CDC123: variants seen among roughly 807,000 people sequenced by gnomAD.
CDC123 encodes the protein cell division cycle 123, also known as translation initiation factor eIF2 assembly protein.
CDC123 carries 37 observed loss-of-function variants against 54.4 expected under a neutral mutation model. The ratio of observed to expected loss-of-function variants is 0.68; its 90% CI spans 0.52 to 0.89. The LOEUF (loss-of-function observed/expected upper bound fraction) is 0.89. CDC123 is among the 40% of genes least tolerant of loss of function. CDC123 has a pLI of 0.00. For synonymous variants in CDC123, 144 were observed against 136.8 expected, an observed-to-expected ratio of 1.05 and a Z score of -0.37; for missense variants, 361 against 412.1, an observed-to-expected ratio of 0.88 and a Z score of 1.07.
intron 10 of CDC123, among the ~76,000 whole-genome samples, chr10:12,242,528 G>A (rs779880063): frequency 1.3e-5 from 2 of 152,178 alleles, no homozygotes; most frequent in Non-Finnish European, 2.9e-5. Flanking sequence ...CCTAGAGCTT[G>A]ATCGGGGCAG....
intron 7 of CDC123, among the ~76,000 whole-genome samples, chr10:12,234,486 T>TG (rs1463914182): frequency 6.6e-6 from 1 of 152,244 alleles, no homozygotes; most frequent in Non-Finnish European, 1.5e-5. Context: ...CCGAAAGTGC[T>TG]GGGGTTATAG....
At chr10:12,242,015 A>G (rs980173737) in intron 10 of CDC123, among the ~76,000 whole-genome samples, 22 of 152,120 alleles carry the variant, frequency 1.4e-4, no homozygotes, top group Non-Finnish European at 2.8e-4. Context: ...CATAATCTCA[A>G]TTACACTTTT....
At position 12,215,786 on chromosome 10, in the gene CDC123, A is replaced by G. The variant is rs376245493; in HGVS notation, c.284A>G (p.Asn95Ser). The stretch of plus-strand genomic sequence containing the variant: ...GCCACTAAAGTCCAGGAAGCTATCA[A>G]TTCCCTCGGGGGCAGTGTCTTTCCT... ...EFATKVQEAINSLGGSVFPKL... is the reference protein window; with the variant it reads ...EFATKVQEAISSLGGSVFPKL... The change falls in exon 5 of 13, where the codon AAT (asparagine) becomes AGT (serine). Residue 95 changes from asparagine to serine, a missense_variant. By Grantham distance (46) the Asn-to-Ser change is conservative. Transcript: ENST00000281141. 95 of 1,612,950 alleles carry G rather than the reference A, an allele frequency of 5.9e-5. No individual in the cohort carries two copies. The highest frequency in any genetic ancestry group is 1.6e-4 in the Middle Eastern group (1 of 6,062).
At position 12,250,319 on chromosome 10, in the gene CDC123, T is replaced by G. The variant is rs766703762; in HGVS notation, c.993T>G (p.Asn331Lys). 2.5e-6 allele frequency: 4 copies of G among 1,590,824 alleles called. No individual in the cohort carries two copies. In the South Asian group the frequency reaches 4.5e-5, roughly 18 times the overall value. Residue 331 changes from asparagine to lysine, a missense_variant, in exon 13 of 13, where the codon AAT becomes AAG. Asn to Lys is a moderately conservative substitution (Grantham distance 94). Transcript: ENST00000281141. ...KLIDFLKLKR[N>K]QQEDD Reference sequence around the variant, plus strand: ...TTGGTTTTCTTTGACAGAAGAGAAATCAGCAGGAGGACGACTGATGAGCGT... The same window carrying G: ...TTGGTTTTCTTTGACAGAAGAGAAAGCAGCAGGAGGACGACTGATGAGCGT...
At chr10:12,229,419 A>G (rs987243175) in intron 6 of CDC123, among the ~76,000 whole-genome samples, 1 of 152,184 alleles carries the variant, frequency 6.6e-6, no homozygotes, top group Non-Finnish European at 1.5e-5. Context: ...CATCTGTCGC[A>G]GTTCCCCCTT....
At chr10:12,196,506 G>A (rs1835349685) in intron 1 of CDC123, among the ~76,000 whole-genome samples, 187 bp downstream of exon 1, 1 of 152,200 alleles carries the variant, frequency 6.6e-6, no homozygotes, top group Admixed American at 6.5e-5. Context: ...GGCTAGGAGG[G>A]TCAGTTGTGG....
rs551704319 is a variant in CDC123, at chr10:12,213,373, C to T, written c.238-2367C>T. Among the ~76,000 whole-genome samples the T allele has an allele frequency of 3.9e-5, 6 of 152,228 alleles. No individual in the cohort carries two copies. The East Asian group carries it at 9.7e-4, about 25-fold the overall frequency. On this transcript the variant is annotated intron_variant, in intron 4 of 12. Transcript: ENST00000281141. ...CCTGAGTCTGCTTGGGAGGAGACAT[C>T]CAACAGACTCAACTTTTAGAAATTG... is the stretch of plus-strand genomic sequence containing the variant.
intron 6 of CDC123, among the ~76,000 whole-genome samples, chr10:12,221,433 G>C (rs940800460): frequency 6.6e-6 from 1 of 152,204 alleles, no homozygotes; most frequent in Admixed American, 6.5e-5. Context: ...AGGAGGGATA[G>C]GTTGTTTCCT....
chr10:12,249,221 C>T (rs1469137964), intron 11 of CDC123, among the ~76,000 whole-genome samples: 5 of 151,242 alleles, frequency 3.3e-5, no homozygotes, highest in Non-Finnish European at 5.9e-5. Context: ...AGGATTGCTT[C>T]AGCTCAGGAG....
intron 4 of CDC123, among the ~76,000 whole-genome samples, chr10:12,214,975 A>C (rs910474292): frequency 6.6e-5 from 10 of 151,848 alleles, no homozygotes; most frequent in Admixed American, 2.0e-4. Context: ...TCTCTTACTT[A>C]CCTTTTTTTC....
intron 4 of CDC123, among the ~76,000 whole-genome samples, chr10:12,211,458 A>T (rs2131737479): frequency 6.6e-6 from 1 of 152,348 alleles, no homozygotes; most frequent in Non-Finnish European, 1.5e-5. Context: ...TAAAAAGGGA[A>T]GCCTGCCAGC....
chr10:12,233,761 A>G (rs955599192), intron 7 of CDC123, among the ~76,000 whole-genome samples: 2 of 152,068 alleles, frequency 1.3e-5, no homozygotes, highest in Non-Finnish European at 2.9e-5. Flanking sequence ...AAATGAAATC[A>G]GTGCATTTAA....
intron 6 of CDC123, among the ~76,000 whole-genome samples, chr10:12,229,859 A>G (rs569290197): frequency 6.6e-6 from 1 of 152,288 alleles, no homozygotes; most frequent in South Asian, 2.1e-4. Context: ...CACGTGGGAG[A>G]AGGATTCAGT....
At chr10:12,236,334 C>T (rs1376361118) in intron 8 of CDC123, among the ~76,000 whole-genome samples, 1 of 152,146 alleles carries the variant, frequency 6.6e-6, no homozygotes, top group Non-Finnish European at 1.5e-5. Context: ...TGCTGTGGCT[C>T]ACACCTGTAA....
intron 6 of CDC123, among the ~76,000 whole-genome samples, chr10:12,218,002 T>C (rs4750188): frequency 0.99 from 151,075 of 152,094 alleles, 75,043 homozygotes; most frequent in Middle Eastern, 1. Context: ...GGCAGGAGAA[T>C]GGCTTGAACC....
At chr10:12,242,297 C>G (rs952644349) in intron 10 of CDC123, among the ~76,000 whole-genome samples, 1 of 152,168 alleles carries the variant, frequency 6.6e-6, no homozygotes, top group Non-Finnish European at 1.5e-5. Context: ...CCAGCCTTCC[C>G]TCGCACATGT....
At chr10:12,247,986 A>G (rs1836181409) in intron 11 of CDC123, 1 of 151,814 alleles carries the variant, frequency 6.6e-6, no homozygotes, top group Admixed American at 6.6e-5. Flanking sequence ...CCTGGGCGAC[A>G]GGGCAAGACT....
intron 2 of CDC123, among the ~76,000 whole-genome samples, chr10:12,204,749 T>TAAG: frequency 6.6e-6 from 1 of 152,284 alleles, no homozygotes; most frequent in East Asian, 1.9e-4. Context: ...TCCAGCACTT[T>TAAG]TGGAGGCTCA....
intron 4 of CDC123, among the ~76,000 whole-genome samples, chr10:12,213,440 A>G (rs1835628085): frequency 1.3e-5 from 2 of 152,238 alleles, no homozygotes; most frequent in Non-Finnish European, 2.9e-5. Context: ...CGTCAAGGTC[A>G]TAAATGGTAA....
Sources: allele counts gnomAD v4.1 joint callset (sites outside exome capture counted in the v4.1 genomes callset), GRCh38; gene constraint gnomAD v4.1.1; transcripts MANE v1.5; gene names NCBI Gene and HGNC (gene_info 2026-07-23, HGNC 2026-07-21).